Variants in EIF3CL observed in about 807,000 individuals in gnomAD.
EIF3CL encodes the protein eukaryotic translation initiation factor 3 subunit C-like protein.
For missense variants in EIF3CL, 5 were observed against 56.1 expected, an observed-to-expected ratio of 0.09 and a Z score of 2.91; for synonymous variants, 2 against 19.6, an observed-to-expected ratio of 0.10 and a Z score of 2.37.
the EIF3CL span, among the ~76,000 whole-genome samples, chr16:28,416,838 T>A: frequency 1.7e-5 from 1 of 60,208 alleles, no homozygotes; most frequent in East Asian, 5.7e-4. Flanking sequence ...TACTGGGAAG[T>A]GAGGAGCCCC....
At chr16:28,415,843 T>C in the EIF3CL span, among the ~76,000 whole-genome samples, 1 of 97,114 alleles carries the variant, frequency 1.0e-5, no homozygotes, top group East Asian at 3.2e-4. Flanking sequence ...TCCCTCTCCC[T>C]CTCCCTCTCC....
chr16:28,416,757 G>A, the EIF3CL span, among the ~76,000 whole-genome samples: 267 of 113,678 alleles, frequency 2.3e-3, 17 homozygotes, highest in Non-Finnish European at 3.2e-3. Context: ...AGGGAGGTGG[G>A]GGGGGTCAGC....
At chr16:28,414,592 G>C in the EIF3CL span, 2 of 243,972 alleles carry the variant, frequency 8.2e-6, no homozygotes, top group Non-Finnish European at 1.6e-5. Flanking sequence ...GGGGTCCCCC[G>C]GGTCTGCTTC....
At chr16:28,415,190 C>T in the EIF3CL span, among the ~76,000 whole-genome samples, 2 of 101,212 alleles carry the variant, frequency 2.0e-5, no homozygotes, top group Admixed American at 1.1e-4. Context: ...GCCCTCTCCA[C>T]TGTCCCCACT....
At chr16:28,417,289 A>C in the EIF3CL span, among the ~76,000 whole-genome samples, 1 of 148,460 alleles carries the variant, frequency 6.7e-6, no homozygotes, top group African/African-American at 2.5e-5. Flanking sequence ...AGCCCCTCTG[A>C]CCGGCCACCA....
chr16:28,417,870 T>C, the EIF3CL span, among the ~76,000 whole-genome samples: 4 of 73,790 alleles, frequency 5.4e-5, no homozygotes, highest in Non-Finnish European at 1.1e-4. Flanking sequence ...ACTTTAGGAA[T>C]GCAAAAAAAA....
At chr16:28,415,157 T>G in the EIF3CL span, 1 of 300,990 alleles carries the variant, frequency 3.3e-6, no homozygotes, top group Non-Finnish European at 6.3e-6. Context: ...CTGCCAGGCC[T>G]TCCCTGCCCT....
chr16:28,415,867 T>C, the EIF3CL span, among the ~76,000 whole-genome samples: 4 of 101,160 alleles, frequency 4.0e-5, no homozygotes, highest in Non-Finnish European at 4.1e-5. Context: ...TCCGTCTCCA[T>C]CTCCGTCTCC....
At chr16:28,421,940 T>C in the EIF3CL span, among the ~76,000 whole-genome samples, 1 of 73,738 alleles carries the variant, frequency 1.4e-5, no homozygotes, top group African/African-American at 4.3e-5. Context: ...AAAATGCTAC[T>C]GGAACTGCAG....
chr16:28,419,360 C>G, the EIF3CL span, among the ~76,000 whole-genome samples: 3 of 150,366 alleles, frequency 2.0e-5, no homozygotes, highest in Non-Finnish European at 4.4e-5. Flanking sequence ...TCCCTTAGCC[C>G]TTTCCACCAT....
At chr16:28,417,213 C>T in the EIF3CL span, among the ~76,000 whole-genome samples, 7 of 149,006 alleles carry the variant, frequency 4.7e-5, no homozygotes, top group African/African-American at 1.8e-4. Context: ...CCCCCCTGCC[C>T]GGCGAGCCGC....
At chr16:28,410,737 C>T in the EIF3CL span, among the ~76,000 whole-genome samples, 1 of 150,222 alleles carries the variant, frequency 6.7e-6, no homozygotes, top group African/African-American at 2.4e-5. Context: ...CAGGTGTACA[C>T]CACCGAGTTC....
the EIF3CL span, among the ~76,000 whole-genome samples, chr16:28,415,798 CCCTCTCCCTCTCCCTCTT>C: frequency 3.1e-3 from 319 of 104,576 alleles, no homozygotes; most frequent in Non-Finnish European, 5.0e-3. Flanking sequence ...CATGCCCTCT[CCCTCTCCCTCTCCCTCTT>C]CCTCTCCCTC....
chr16:28,417,236 G>A, the EIF3CL span, among the ~76,000 whole-genome samples: 1 of 149,546 alleles, frequency 6.7e-6, no homozygotes, highest in Non-Finnish European at 1.5e-5. Flanking sequence ...CATCCGGGAA[G>A]TGAGGGGCGC....
chr16:28,415,739 G>A, the EIF3CL span, among the ~76,000 whole-genome samples: 1 of 135,422 alleles, frequency 7.4e-6, no homozygotes, highest in East Asian at 2.3e-4. Flanking sequence ...AACAGAGCGA[G>A]ACTCCGTCTC....
the EIF3CL span, among the ~76,000 whole-genome samples, chr16:28,415,369 G>T: frequency 8.8e-6 from 1 of 113,228 alleles, no homozygotes; most frequent in Non-Finnish European, 1.8e-5. Flanking sequence ...CAGGTCACCG[G>T]GTTCTGTTTC....
At chr16:28,416,784 C>G in the EIF3CL span, among the ~76,000 whole-genome samples, 1 of 104,766 alleles carries the variant, frequency 9.5e-6, no homozygotes, top group Non-Finnish European at 2.1e-5. Context: ...ACCCGGCCAG[C>G]CGCCCCGTCC....
the EIF3CL span, among the ~76,000 whole-genome samples, chr16:28,415,736 C>A: frequency 7.4e-6 from 1 of 135,142 alleles, no homozygotes; most frequent in South Asian, 2.2e-4. Flanking sequence ...AGCAACAGAG[C>A]GAGACTCCGT....
At chr16:28,414,732 G>A in the EIF3CL span, 6 of 387,746 alleles carry the variant, frequency 1.5e-5, 2 homozygotes, top group African/African-American at 1.4e-4. Context: ...AGGTGGTGCA[G>A]GAGTACTAGG....
Sources: gnomAD v4.1 joint callset for allele counts (sites outside exome capture counted in the v4.1 genomes callset) on GRCh38, gnomAD v4.1.1 for gene constraint, MANE v1.5 for transcripts, NCBI Gene and HGNC (gene_info 2026-07-23, HGNC 2026-07-21) for gene names.